MSH5: variants seen among roughly 807,000 people sequenced by gnomAD.
MSH5 encodes mutS protein homolog 5.
Under a neutral mutation model 107.7 loss-of-function variants are expected in MSH5, and 78 were observed. That is an observed-to-expected ratio of 0.72 (90% confidence interval 0.60 to 0.87). The LOEUF (loss-of-function observed/expected upper bound fraction) is 0.87, where lower values mean the gene tolerates loss of function less well. MSH5 is among the 40% of genes least tolerant of loss of function. The pLI is 0.00. For missense variants in MSH5, 889 were observed against 1,046.6 expected (o/e 0.85, Z 2.08); for synonymous variants, 326 against 399.5 (o/e 0.82, Z 2.19).
chr6:31,753,894 T>C, intron 12 of MSH5: 1 of 394,484 alleles, frequency 2.5e-6, no homozygotes. Context: ...CCTGGCAAAT[T>C]TTTGTATTTT....
Position 31,754,069 on chromosome 6 carries a change from A to G in MSH5, c.1014+440A>G, listed in dbSNP as rs1810221508. 1.8e-5 allele frequency: 3 copies of G among 166,206 alleles called. No individual in the cohort carries two copies. The South Asian group carries it at 4.3e-4, about 24-fold the overall frequency. 10.3% of individuals were successfully genotyped at this position (166,206 alleles called of 1,614,324 possible). ...ACTTTGTATTCAGGAAAATGTAAAA[A>G]ATATTTAGAATAATATAATTAACCC... On this transcript the variant is annotated intron_variant, in intron 12 of 24. Coordinates refer to ENST00000375750, the MANE Select transcript of MSH5 (RefSeq NM_172166.4).
In MSH5 at chr6:31,758,762, G is replaced by A. The variant is rs771687442; in HGVS notation, c.1217-4G>A. ...TGATAACCACGTGTCTTCCACCCTC[G>A]TAGAAAAGCGAAGACTGATGGGACT... On this transcript the variant is annotated splice_region_variant and splice_polypyrimidine_tract_variant and intron_variant, in intron 14 of 24. Transcript: ENST00000375750. The surrounding 1 kb of genome is among the most constrained non-coding windows in gnomAD (Gnocchi z 5.1). 11 of 1,613,914 alleles carry A rather than the reference G, an allele frequency of 6.8e-6. No homozygotes were observed. Among genetic ancestry groups the A allele is most frequent in the African/African-American group, 5.3e-5 (4 of 74,894 alleles).
At chr6:31,748,734 T>TC (rs1162454386) in intron 10 of MSH5, among the ~76,000 whole-genome samples, 1 of 152,112 alleles carries the variant, frequency 6.6e-6, no homozygotes, top group East Asian at 1.9e-4. Flanking sequence ...ATTAGCATCT[T>TC]AAGCAGTATA....
Position 31,762,605 on chromosome 6 carries a change from C to A in MSH5, c.*74C>A, listed in dbSNP as rs1811124657. On this transcript the variant is annotated 3_prime_UTR_variant, in exon 25 of 25. Transcript: ENST00000375750. ...CATGCCCTCTTTGTTTCCTTATCTC[C>A]CTCAGACGCAGAGTTTTTAGTTTCT... is the stretch of plus-strand genomic sequence containing the variant. 1.2e-6 allele frequency: 1 copy of A among 865,212 alleles called. No homozygotes were observed. The highest frequency in any genetic ancestry group is 1.9e-6 in the Non-Finnish European group (1 of 530,276). The allele number at this position is 865,212 out of a possible 1,614,324, so 53.6% of individuals were successfully genotyped here. A position where few individuals can be genotyped will look rare whatever the true frequency, so the allele number is the denominator to read the frequency against.
chr6:31,753,542 C>A lies in MSH5; in HGVS notation c.952-25C>A, dbSNP rs373539270. ...ATTAGAGTGAGGGAAGAGAAAACAGCGGCTGTAACCTTGTCTGACTGTAGC... is the reference window on the plus strand; with the variant it reads ...ATTAGAGTGAGGGAAGAGAAAACAGAGGCTGTAACCTTGTCTGACTGTAGC... On this transcript the variant is annotated intron_variant, in intron 11 of 24. Transcript: ENST00000375750. 434 of 1,613,980 alleles carry A rather than the reference C, an allele frequency of 2.7e-4. 1 individual carries two copies. The African/African-American group carries it at 5.3e-3, about 20-fold the overall frequency.
intron 12 of MSH5, 128 bp downstream of exon 12, chr6:31,753,757 C>A: frequency 1.1e-6 from 1 of 871,150 alleles, no homozygotes; most frequent in Non-Finnish European, 1.8e-6. Flanking sequence ...TGGAGACAGC[C>A]TCGCTCTGTC....
chr6:31,743,242 T>C, intron 5 of MSH5, 72 bp downstream of exon 5: 1 of 1,456,840 alleles, frequency 6.9e-7, no homozygotes, highest in Admixed American at 1.7e-5. Context: ...TCTACCTTCA[T>C]CATCACAGAT....
At chr6:31,753,256 G>A (rs3131379) in intron 10 of MSH5, 45 bp from the exon 11 acceptor site, 159,317 of 1,558,426 alleles carry the variant, frequency 0.1, 10,108 homozygotes, top group Non-Finnish European at 0.12. Flanking sequence ...AGATCAAGAT[G>A]ATAGATGTAA....
At chr6:31,749,239 C>T (rs2151352580) in intron 10 of MSH5, among the ~76,000 whole-genome samples, 1 of 152,154 alleles carries the variant, frequency 6.6e-6, no homozygotes, top group Middle Eastern at 3.4e-3. Context: ...TTGTTCTGTA[C>T]CTATCAAAAT....
At chr6:31,753,663 G>C (rs1384379321) in intron 12 of MSH5, 34 bp downstream of exon 12, 2 of 1,600,896 alleles carry the variant, frequency 1.2e-6, no homozygotes, top group South Asian at 2.2e-5. Flanking sequence ...CAAAAGTCCA[G>C]GTAAAGGCCC....
In MSH5 at chr6:31,758,038, C is replaced by T; in HGVS notation, c.1015-127C>T. The T allele has an allele frequency of 8.3e-7, 1 of 1,197,756 alleles. No individual in the cohort carries two copies. The highest frequency in any genetic ancestry group is 2.1e-5 in the Admixed American group (1 of 46,846). 74.2% of individuals were successfully genotyped at this position (1,197,756 alleles called of 1,614,324 possible). A position where few individuals can be genotyped will look rare whatever the true frequency, so the allele number is the denominator to read the frequency against. On this transcript the variant is annotated intron_variant, in intron 12 of 24. Transcript: ENST00000375750. This position sits in a 1 kb window ranked among gnomAD's most constrained non-coding sequence, Gnocchi z 5.1. Reference sequence around the variant, plus strand: ...AGTGCCTCTCACTGTTTCTTTTTGCCTTTGAGATCTTCCCTCTTTGTTACT... The same window carrying T: ...AGTGCCTCTCACTGTTTCTTTTTGCTTTTGAGATCTTCCCTCTTTGTTACT...
intron 3 of MSH5, among the ~76,000 whole-genome samples, chr6:31,742,528 G>T (rs571607041): frequency 6.6e-6 from 1 of 152,214 alleles, no homozygotes; most frequent in Admixed American, 6.5e-5. Context: ...AAAGGGCAGG[G>T]ATTATAGGCA....
intron 10 of MSH5, chr6:31,751,549 T>G (rs1809959347): frequency 6.6e-6 from 1 of 151,292 alleles, no homozygotes; most frequent in South Asian, 2.1e-4. Context: ...GACACGAGAA[T>G]CGCTTGAACC....
chr6:31,740,579 A>G lies in MSH5; in HGVS notation c.113A>G (p.Glu38Gly). Reference protein sequence around the residue: ...APVPGPREAEEEEVEEEEELA... With the variant: ...APVPGPREAEGEEVEEEEELA... ...GTGCCGGGCCCCAGGGAGGCCGAGGAGGAGGAAGTCGAGGAGGAGGAGGAG... is the reference window on the plus strand; with the variant it reads ...GTGCCGGGCCCCAGGGAGGCCGAGGGGGAGGAAGTCGAGGAGGAGGAGGAG... The change falls in exon 2 of 25, where the codon GAG (glutamate) becomes GGG (glycine). Residue 38 changes from glutamate (E) to glycine (G), a missense_variant. Physicochemically the swap from Glu to Gly is moderately conservative, Grantham distance 98. Around this residue, in one of 3 missense-constraint regions of MSH5, gnomAD observed 518 missense variants for 565.0 expected, o/e 0.92. Coordinates refer to ENST00000375750, the MANE Select transcript of MSH5 (RefSeq NM_172166.4). The surrounding 1 kb of genome is among the most constrained non-coding windows in gnomAD (Gnocchi z 4.4). 2.0e-6 allele frequency: 3 copies of G among 1,511,742 alleles called. No individual in the cohort carries two copies. Among genetic ancestry groups the G allele is most frequent in the Non-Finnish European group, 2.6e-6 (3 of 1,132,676 alleles). The allele number at this position is 1,511,742 out of a possible 1,614,324, so 93.6% of individuals were successfully genotyped here. A position where few individuals can be genotyped will look rare whatever the true frequency, so the allele number is the denominator to read the frequency against.
intron 9 of MSH5, chr6:31,746,063 G>GC (rs1168954035): frequency 2.7e-5 from 3 of 111,486 alleles, no homozygotes; most frequent in African/African-American, 1.2e-4. Flanking sequence ...ACCGCGCCTG[G>GC]CCAGTTGTGT....
rs765055098 is a variant in MSH5 at position 31,758,217 on chromosome 6, C to T, written c.1067C>T (p.Ser356Phe). 8 of 1,612,940 alleles carry T rather than the reference C, an allele frequency of 5.0e-6. No individual in the cohort carries two copies. In the Admixed American group the frequency reaches 1.0e-4, roughly 20 times the overall value. The change falls in exon 13 of 25, where the codon TCC (serine) becomes TTC (phenylalanine). Residue 356 changes from serine (S) to phenylalanine (F), a missense_variant. By Grantham distance (155) the Ser-to-Phe change is radical. Around this residue, in one of 3 missense-constraint regions of MSH5, gnomAD observed 518 missense variants for 565.0 expected, o/e 0.92. Coordinates refer to ENST00000375750, the MANE Select transcript of MSH5 (RefSeq NM_172166.4). The surrounding 1 kb of genome is among the most constrained non-coding windows in gnomAD (Gnocchi z 5.1). The part of the protein sequence containing the change: ...LRDACRSLPQ[S>F]IQLFRDIAQE... ...GATGCCTGCCGCTCCCTGCCGCAGT[C>T]CATCCAGCTCTTTCGGGACATTGCC...
At position 31,761,137 on chromosome 6, in the gene MSH5, C is replaced by A. The variant is rs538105624; in HGVS notation, c.1963-51C>A. On this transcript the variant is annotated intron_variant, in intron 20 of 24. Coordinates refer to ENST00000375750, the MANE Select transcript of MSH5 (RefSeq NM_172166.4). The surrounding 1 kb of genome is among the most constrained non-coding windows in gnomAD (Gnocchi z 5.3). ...ATTCACAGGCCAACTGTGGTCAGTG[C>A]GTTACGGGCTTCCAATACTAACTTT... The A allele has an allele frequency of 6.4e-7, 1 of 1,559,374 alleles. No homozygotes were observed. The highest frequency in any genetic ancestry group is 8.8e-7 in the Non-Finnish European group (1 of 1,138,714).
chr6:31,755,014 A>G (rs893394096), intron 12 of MSH5, among the ~76,000 whole-genome samples: 1 of 152,142 alleles, frequency 6.6e-6, no homozygotes, highest in African/African-American at 2.4e-5. Context: ...GGCCTCCCAG[A>G]GTGCTGGGAT....
intron 12 of MSH5, among the ~76,000 whole-genome samples, chr6:31,756,316 C>T (rs537231636): frequency 1.3e-5 from 2 of 151,758 alleles, no homozygotes; most frequent in East Asian, 3.9e-4. Flanking sequence ...GACTTACAGG[C>T]GCACACCACC....
Sources: allele counts gnomAD v4.1 joint callset (sites outside exome capture counted in the v4.1 genomes callset), GRCh38; gene constraint gnomAD v4.1.1; regional missense constraint gnomAD v4.1.1; non-coding constraint Gnocchi (gnomAD v3.1); transcripts MANE v1.5; gene names NCBI Gene and HGNC (gene_info 2026-07-23, HGNC 2026-07-21).